Variants in MMS19 observed in about 807,000 individuals in gnomAD.
MMS19 encodes MMS19 nucleotide excision repair protein homolog.
In MMS19, 77 loss-of-function variants were observed where a neutral mutation model predicts 129.8. That is an observed-to-expected ratio of 0.59 (90% CI 0.49 to 0.72). The LOEUF (loss-of-function observed/expected upper bound fraction) is 0.72, where lower values mean the gene tolerates loss of function less well. MMS19 is among the 30% of genes least tolerant of loss of function. MMS19 has a pLI of 0.00. For synonymous variants in MMS19, 491 were observed against 502.8 expected (o/e 0.98, Z 0.31); for missense variants, 1,168 against 1,266.3 (o/e 0.92, Z 1.18).
In MMS19 at chr10:97,477,869, C is replaced by A; in HGVS notation, c.409G>T (p.Glu137Ter). 1 of 1,608,824 alleles carries A rather than the reference C, an allele frequency of 6.2e-7. No homozygotes were observed. The highest frequency in any genetic ancestry group is 1.3e-5 in the African/African-American group (1 of 74,926). The change falls in exon 5 of 31, where the codon GAA becomes TAA. Residue 137 changes from glutamate (E) to a stop codon, truncating the protein, a stop_gained. Transcript: ENST00000438925. LOFTEE classifies it high-confidence loss of function. ...TTATCCCTCACCTGTACATGCACTT[C>A]CTGGAAGATGGCTTTAAGCACAGAA... Reference protein sequence around the residue: ...AVSVLKAIFQEVHVQSLPQVD... With the variant: ...AVSVLKAIFQ
At chr10:97,497,437 T>C (rs988661132) in intron 1 of MMS19, among the ~76,000 whole-genome samples, 2 of 152,046 alleles carry the variant, frequency 1.3e-5, no homozygotes, top group Admixed American at 1.3e-4. Context: ...AAAGTTTTTT[T>C]AAAAAAACTA....
At chr10:97,469,578 T>C in intron 11 of MMS19, 68 bp downstream of exon 11, 3 of 1,281,110 alleles carry the variant, frequency 2.3e-6, no homozygotes, top group East Asian at 2.3e-5. Context: ...AAGGACAGGA[T>C]GTATTATTTC....
chr10:97,496,886 A>C (rs1267877587), intron 1 of MMS19, among the ~76,000 whole-genome samples: 1 of 152,232 alleles, frequency 6.6e-6, no homozygotes, highest in Non-Finnish European at 1.5e-5. Context: ...ATGGATAGCT[A>C]TATGATAAAG....
At chr10:97,469,608 A>C in intron 11 of MMS19, 38 bp downstream of exon 11, 1 of 1,533,110 alleles carries the variant, frequency 6.5e-7, no homozygotes, top group Non-Finnish European at 9.0e-7. Context: ...CTGACAATTG[A>C]AAGTTAACAG....
chr10:97,459,301 G>A lies in MMS19; in HGVS notation c.2905-19C>T. On this transcript the variant is annotated intron_variant, in intron 28 of 30. Coordinates refer to ENST00000438925, the MANE Select transcript of MMS19 (RefSeq NM_022362.5). ...GGACAGCCTGGAACACAACCACAAGGAGGTGAGAGCATGCCCAGGGAGAGA... is the reference window on the plus strand; with the variant it reads ...GGACAGCCTGGAACACAACCACAAGAAGGTGAGAGCATGCCCAGGGAGAGA... 1 of 1,613,326 alleles carries A rather than the reference G, an allele frequency of 6.2e-7. No individual in the cohort carries two copies. The highest frequency in any genetic ancestry group is 1.1e-5 in the South Asian group (1 of 90,978).
At chr10:97,496,078 C>A (rs2039726197) in intron 1 of MMS19, among the ~76,000 whole-genome samples, 1 of 152,198 alleles carries the variant, frequency 6.6e-6, no homozygotes, top group Admixed American at 6.5e-5. Flanking sequence ...ACTGTGCCCA[C>A]CACCAACTTT....
chr10:97,487,957 G>A (rs1461608887), intron 1 of MMS19, among the ~76,000 whole-genome samples: 4 of 152,074 alleles, frequency 2.6e-5, no homozygotes, highest in South Asian at 2.1e-4. Context: ...GTGTGGTGGC[G>A]CATGCCTGTA....
chr10:97,477,815 A>G (rs1394745874), intron 5 of MMS19, 40 bp downstream of exon 5: 5 of 1,427,104 alleles, frequency 3.5e-6, no homozygotes, highest in Non-Finnish European at 4.8e-6. Flanking sequence ...GTCAAGGGGT[A>G]GAGACAGAGG....
At position 97,459,751 on chromosome 10, in the gene MMS19, A is replaced by C; in HGVS notation, c.2657-10T>G. Reference sequence around the variant, plus strand: ...TAGTTTGGCTTCACATCTGTAAAAAATGGAAAGGCTTAGGGGAGAAATTGG... The same window carrying C: ...TAGTTTGGCTTCACATCTGTAAAAACTGGAAAGGCTTAGGGGAGAAATTGG... On this transcript the variant is annotated splice_polypyrimidine_tract_variant and intron_variant, in intron 26 of 30. Coordinates refer to ENST00000438925, the MANE Select transcript of MMS19 (RefSeq NM_022362.5). 1 of 1,600,374 alleles carries C rather than the reference A, an allele frequency of 6.2e-7. No individual in the cohort carries two copies.
At chr10:97,480,772 C>T (rs927432837) in intron 3 of MMS19, 170 bp downstream of exon 3, 1 of 629,308 alleles carries the variant, frequency 1.6e-6, no homozygotes, top group South Asian at 1.8e-5. Context: ...TGTCTTGTGT[C>T]TCAATTCTAA....
intron 1 of MMS19, among the ~76,000 whole-genome samples, chr10:97,486,861 C>CTATATATATATATA (rs1564694696): frequency 6.4e-4 from 10 of 15,590 alleles, no homozygotes; most frequent in South Asian, 4.7e-3. Context: ...AATTAAAGTG[C>CTATATATATATATA]CATATATATA....
At chr10:97,477,092 C>G (rs1043136690) in intron 6 of MMS19, 129 bp from the exon 7 acceptor site, 2 of 1,526,992 alleles carry the variant, frequency 1.3e-6, no homozygotes, top group African/African-American at 2.8e-5. Context: ...TTTTTCCATT[C>G]CAAGAAAGTA....
intron 8 of MMS19, among the ~76,000 whole-genome samples, chr10:97,471,299 A>T (rs1166366819): frequency 1.3e-5 from 2 of 151,860 alleles, no homozygotes; most frequent in Non-Finnish European, 2.9e-5. Context: ...AGTGGCTATG[A>T]TTTCATTTTG....
rs1361418172 is a variant in MMS19, at chr10:97,465,812, C to T, written c.1749G>A (p.Val583=). ...GTTATTCCTAGTAGTTACCTCTGTT[C>T]ACTTGCCAGAGATGCTGCAGCAGCA... ...LPLLLQHLWQ[V]NRGNMVAQSS... Residue 583 remains valine (V), a synonymous_variant, in exon 18 of 31, where the codon GTG becomes GTA. Coordinates refer to ENST00000438925, the MANE Select transcript of MMS19 (RefSeq NM_022362.5). The T allele has an allele frequency of 6.2e-7, 1 of 1,612,406 alleles. No homozygotes were observed.
At position 97,460,223 on chromosome 10, in the gene MMS19, G is replaced by A. The variant is rs138208483; in HGVS notation, c.2479C>T (p.Leu827Phe). 245 of 1,613,016 alleles carry A rather than the reference G, an allele frequency of 1.5e-4. 1 individual carries two copies. Among genetic ancestry groups the A allele is most frequent in the Middle Eastern group, 9.9e-4 (6 of 6,058 alleles). Residue 827 changes from leucine to phenylalanine, a missense_variant, in exon 26 of 31, where the codon CTC becomes TTC. Around this residue, in one of 3 missense-constraint regions of MMS19, gnomAD observed 831 missense variants for 910.8 expected, o/e 0.91. Transcript: ENST00000438925. ...GGACCTAATTCTGGGTCACTCAGGA[G>A]GCCCATGAGCTGGAGAAAAAAGAGC... is the stretch of plus-strand genomic sequence containing the variant. ...SSCLTARLMG[L>F]LSDPELGPAA...
intron 11 of MMS19, 87 bp downstream of exon 11, chr10:97,469,559 C>G (rs990814258): frequency 8.9e-7 from 1 of 1,117,542 alleles, no homozygotes; most frequent in Non-Finnish European, 1.3e-6. Context: ...CTGGGGATGA[C>G]AGAGGGAAAA....
chr10:97,465,756 A>G, intron 18 of MMS19, 49 bp downstream of exon 18: 1 of 1,567,888 alleles, frequency 6.4e-7, no homozygotes, highest in African/African-American at 1.3e-5. Context: ...CTTAGAGACT[A>G]CAGCTCCCTA....
intron 12 of MMS19, 143 bp from the exon 13 acceptor site, chr10:97,468,549 A>G (rs556260347): frequency 1.9e-5 from 14 of 754,972 alleles, no homozygotes; most frequent in Admixed American, 3.4e-5. Flanking sequence ...AAGTAGGGCT[A>G]TCGCCCCCAA....
Position 97,458,858 on chromosome 10 carries a change from G to A in MMS19, c.3007C>T (p.Pro1003Ser), listed in dbSNP as rs1405179675. 2.5e-6 allele frequency: 4 copies of A among 1,613,904 alleles called. No homozygotes were observed. Among genetic ancestry groups the A allele is most frequent in the African/African-American group, 1.3e-5 (1 of 74,918 alleles). ...ACCAGTCTCTTCTTGTCATCCAGGG[G>A]TTTGGCTAAGGCCCGAATCACCTGT... ...KPQVIRALAK[P>S]LDDKKRLVRK... is the part of the protein sequence containing the mutation. The change falls in exon 30 of 31, where the codon CCC (proline) becomes TCC (serine). Residue 1003 changes from proline to serine, a missense_variant. Around this residue, in one of 3 missense-constraint regions of MMS19, gnomAD observed 831 missense variants for 910.8 expected, o/e 0.91. Coordinates refer to ENST00000438925, the MANE Select transcript of MMS19 (RefSeq NM_022362.5).
Sources: allele counts gnomAD v4.1 joint callset (sites outside exome capture counted in the v4.1 genomes callset), GRCh38; gene constraint gnomAD v4.1.1; regional missense constraint gnomAD v4.1.1; transcripts MANE v1.5; gene names NCBI Gene and HGNC (gene_info 2026-07-23, HGNC 2026-07-21).